The following PARD3 variants were observed in gnomAD, a reference collection of about 807,000 sequenced individuals.
PARD3 encodes par-3 family cell polarity regulator, also known as partitioning defective 3 homolog.
A neutral mutation model predicts 155.4 loss-of-function variants in PARD3; 75 were observed. The observed-to-expected ratio is 0.48, with a 90% CI of 0.40 to 0.58. PARD3 has a LOEUF of 0.58. Among genes scored for constraint, PARD3 ranks in the 20% least tolerant of loss-of-function variants. The pLI is 0.00. For synonymous variants in PARD3, 576 were observed against 610.5 expected, an observed-to-expected ratio of 0.94 and a Z score of 0.83; for missense variants, 1,642 against 1,721.7, an observed-to-expected ratio of 0.95 and a Z score of 0.82.
chr10:34,159,057 A>T (rs1203333414), intron 22 of PARD3, among the ~76,000 whole-genome samples: 1 of 152,252 alleles, frequency 6.6e-6, no homozygotes, highest in Non-Finnish European at 1.5e-5. Flanking sequence ...AAACAACCAC[A>T]GAGATTCAAC....
intron 1 of PARD3, among the ~76,000 whole-genome samples, chr10:34,734,791 G>A (rs1183787535): frequency 6.6e-6 from 1 of 152,016 alleles, no homozygotes; most frequent in East Asian, 1.9e-4. Context: ...GATATAAAAA[G>A]AGAATATGTT....
intron 4 of PARD3, among the ~76,000 whole-genome samples, chr10:34,462,665 T>C (rs1348516209): frequency 6.6e-6 from 1 of 151,084 alleles, no homozygotes; most frequent in Non-Finnish European, 1.5e-5. Flanking sequence ...GGCAACATAG[T>C]GAGACCCCAT....
At chr10:34,755,531 C>T (rs891549327) in intron 1 of PARD3, among the ~76,000 whole-genome samples, 1 of 152,190 alleles carries the variant, frequency 6.6e-6, no homozygotes, top group Non-Finnish European at 1.5e-5. Flanking sequence ...GAGGTCATAA[C>T]TTGGTGTCTG....
intron 5 of PARD3, among the ~76,000 whole-genome samples, chr10:34,413,819 A>G (rs1353936052): frequency 1.3e-5 from 2 of 152,230 alleles, no homozygotes; most frequent in Non-Finnish European, 2.9e-5. Flanking sequence ...TTAGAGTAGC[A>G]AGTCAGATAT....
At chr10:34,688,523 G>A (rs1404735130) in intron 2 of PARD3, among the ~76,000 whole-genome samples, 2 of 152,210 alleles carry the variant, frequency 1.3e-5, no homozygotes, top group Non-Finnish European at 2.9e-5. Flanking sequence ...AGACTGAGAT[G>A]CTAAGAGTAA....
At chr10:34,413,997 G>A (rs563458043) in intron 5 of PARD3, among the ~76,000 whole-genome samples, 15 of 152,180 alleles carry the variant, frequency 9.9e-5, no homozygotes, top group Middle Eastern at 3.4e-3. Flanking sequence ...CATCTAGCCC[G>A]GGCAACACAG....
At chr10:34,425,117 ATT>A (rs2075528847) in intron 5 of PARD3, among the ~76,000 whole-genome samples, 1 of 151,250 alleles carries the variant, frequency 6.6e-6, no homozygotes, top group Non-Finnish European at 1.5e-5. Flanking sequence ...CTATCTTCCA[ATT>A]TTTTTCCATC....
intron 22 of PARD3, among the ~76,000 whole-genome samples, chr10:34,230,939 T>A (rs1373744728): frequency 6.6e-6 from 1 of 151,926 alleles, no homozygotes; most frequent in East Asian, 1.9e-4. Flanking sequence ...GGTGGGAAGA[T>A]CTCTTGAGTT....
chr10:34,725,153 CAGAG>C (rs34163907), intron 1 of PARD3, among the ~76,000 whole-genome samples: 64,756 of 126,672 alleles, frequency 0.51, 15,692 homozygotes, highest in East Asian at 0.64. Flanking sequence ...GTGTGTGTGA[CAGAG>C]AGAGAGAGAG....
At chr10:34,597,275 G>A (rs907361238) in intron 2 of PARD3, among the ~76,000 whole-genome samples, 9 of 151,350 alleles carry the variant, frequency 5.9e-5, no homozygotes, top group Non-Finnish European at 4.4e-5. Flanking sequence ...TAATTTTAGC[G>A]CTTTTTTTTG....
intron 3 of PARD3, among the ~76,000 whole-genome samples, chr10:34,472,581 C>T (rs974375394): frequency 2.6e-5 from 4 of 152,144 alleles, no homozygotes; most frequent in African/African-American, 9.7e-5. Flanking sequence ...TGTCCAATTA[C>T]AGGGTTAGTT....
intron 12 of PARD3, among the ~76,000 whole-genome samples, chr10:34,368,412 C>T (rs534155023): frequency 2.0e-5 from 3 of 152,096 alleles, no homozygotes; most frequent in Admixed American, 6.6e-5. Flanking sequence ...GTGGCTCACG[C>T]GTGTAATTCC....
At chr10:34,582,985 T>A (rs1027489467) in intron 2 of PARD3, among the ~76,000 whole-genome samples, 4 of 152,208 alleles carry the variant, frequency 2.6e-5, no homozygotes, top group African/African-American at 9.7e-5. Flanking sequence ...GAGACAAGTG[T>A]CTGGTTCTCT....
At chr10:34,687,296 G>A (rs1162804050) in intron 2 of PARD3, among the ~76,000 whole-genome samples, 1 of 152,122 alleles carries the variant, frequency 6.6e-6, no homozygotes, top group East Asian at 1.9e-4. Context: ...GGCTGGGGAA[G>A]GATGGAAATG....
chr10:34,537,138 G>C (rs2083282994), intron 2 of PARD3, among the ~76,000 whole-genome samples: 1 of 152,110 alleles, frequency 6.6e-6, no homozygotes, highest in South Asian at 2.1e-4. Flanking sequence ...GAGTAGCTTT[G>C]ACTACAGGTG....
intron 2 of PARD3, among the ~76,000 whole-genome samples, chr10:34,690,030 G>A (rs1304644417): frequency 2.0e-5 from 3 of 152,042 alleles, no homozygotes; most frequent in Non-Finnish European, 2.9e-5. Flanking sequence ...TGCAACCTCC[G>A]TCCCCTGGGT....
intron 2 of PARD3, among the ~76,000 whole-genome samples, chr10:34,624,494 C>T (rs2091880872): frequency 6.6e-6 from 1 of 152,190 alleles, no homozygotes; most frequent in African/African-American, 2.4e-5. Context: ...AACAGTGAGC[C>T]GTGTCACTTC....
intron 2 of PARD3, among the ~76,000 whole-genome samples, chr10:34,672,949 C>A (rs1238836296): frequency 6.6e-6 from 1 of 152,176 alleles, no homozygotes; most frequent in Non-Finnish European, 1.5e-5. Context: ...CTGTATTCAG[C>A]AGTCTTTTTT....
intron 22 of PARD3, among the ~76,000 whole-genome samples, chr10:34,141,909 C>A (rs995695826): frequency 1.3e-5 from 2 of 152,174 alleles, no homozygotes; most frequent in African/African-American, 2.4e-5. Context: ...CACAGCCATA[C>A]CTCCAATGGG....
Sources: allele counts gnomAD v4.1 joint callset (sites outside exome capture counted in the v4.1 genomes callset), GRCh38; gene constraint gnomAD v4.1.1; transcripts MANE v1.5; gene names NCBI Gene and HGNC (gene_info 2026-07-23, HGNC 2026-07-21).